PDE4D: variants seen among roughly 807,000 people sequenced by gnomAD.
PDE4D encodes 3',5'-cyclic-AMP phosphodiesterase 4D.
Under a neutral mutation model 87.4 loss-of-function variants are expected in PDE4D, and 24 were observed. The ratio of observed to expected loss-of-function variants is 0.27; its 90% CI spans 0.20 to 0.39. PDE4D has a LOEUF of 0.39. Ranked by LOEUF, PDE4D falls within the 10% of genes least tolerant of loss-of-function variation. PDE4D has a pLI of 1.00. For synonymous variants in PDE4D, 384 were observed against 383.2 expected (o/e 1.00, Z -0.02); for missense variants, 714 against 1,041.0 (o/e 0.69, Z 4.32).
chr5:60,123,473 T>C (rs1778869875), intron 2 of PDE4D, among the ~76,000 whole-genome samples: 1 of 152,150 alleles, frequency 6.6e-6, no homozygotes, highest in African/African-American at 2.4e-5. Flanking sequence ...CAGAAACCCC[T>C]GATAAAACCA....
chr5:60,121,260 T>C (rs1043601655), intron 2 of PDE4D, among the ~76,000 whole-genome samples: 16 of 151,772 alleles, frequency 1.1e-4, no homozygotes, highest in African/African-American at 3.4e-4. Context: ...ACACACCCAC[T>C]TTAGGGGATG....
intron 3 of PDE4D, among the ~76,000 whole-genome samples, chr5:59,902,080 T>C (rs1752333297): frequency 6.6e-6 from 1 of 151,842 alleles, no homozygotes; most frequent in Non-Finnish European, 1.5e-5. Flanking sequence ...AAATGTTACA[T>C]CAGGAAGCCA....
chr5:59,085,857 T>C (rs772530006), intron 5 of PDE4D, among the ~76,000 whole-genome samples: 1 of 152,090 alleles, frequency 6.6e-6, no homozygotes, highest in Non-Finnish European at 1.5e-5. Flanking sequence ...AAAAGCTCCC[T>C]GGAGGAAGTG....
intron 1 of PDE4D, among the ~76,000 whole-genome samples, chr5:60,374,084 C>G (rs1389353591): frequency 1.3e-5 from 2 of 152,190 alleles, no homozygotes; most frequent in African/African-American, 4.8e-5. Context: ...GCCCTCAACA[C>G]TGTCACCAAG....
At chr5:59,361,314 T>G (rs546117064) in intron 1 of PDE4D, among the ~76,000 whole-genome samples, 1 of 152,322 alleles carries the variant, frequency 6.6e-6, no homozygotes, top group East Asian at 1.9e-4. Flanking sequence ...TCAAATTCTT[T>G]AAAAATCTTG....
At chr5:59,129,582 A>G (rs1413994412) in intron 5 of PDE4D, among the ~76,000 whole-genome samples, 1 of 152,324 alleles carries the variant, frequency 6.6e-6, no homozygotes, top group Non-Finnish European at 1.5e-5. Flanking sequence ...AATTCAAGCC[A>G]TTAAGTTAAT....
At chr5:59,432,989 A>G (rs1232767801) in intron 1 of PDE4D, among the ~76,000 whole-genome samples, 4 of 152,252 alleles carry the variant, frequency 2.6e-5, no homozygotes, top group East Asian at 1.9e-4. Flanking sequence ...TAATTTTACA[A>G]TATGGATGTA....
intron 1 of PDE4D, among the ~76,000 whole-genome samples, chr5:59,844,788 G>A (rs1340761779): frequency 6.6e-6 from 1 of 152,070 alleles, no homozygotes; most frequent in East Asian, 1.9e-4. Flanking sequence ...GAAGGTGGAG[G>A]GATTTTGCTG....
intron 1 of PDE4D, among the ~76,000 whole-genome samples, chr5:59,407,177 G>T (rs1196998186): frequency 6.6e-6 from 1 of 152,128 alleles, no homozygotes; most frequent in East Asian, 1.9e-4. Context: ...TTATAGCTTT[G>T]TGAGCAAGTT....
At chr5:59,812,604 C>G (rs139684194) in intron 1 of PDE4D, among the ~76,000 whole-genome samples, 2 of 151,456 alleles carry the variant, frequency 1.3e-5, no homozygotes, top group Admixed American at 1.3e-4. Flanking sequence ...ACCTGGGAGG[C>G]GGACGTTGCA....
chr5:59,347,331 T>C (rs1779774516), intron 1 of PDE4D, among the ~76,000 whole-genome samples: 1 of 152,160 alleles, frequency 6.6e-6, no homozygotes, highest in African/African-American at 2.4e-5. Flanking sequence ...GGCAAGTTAA[T>C]TGCCAAAAAG....
intron 1 of PDE4D, among the ~76,000 whole-genome samples, chr5:60,501,805 G>C (rs1004059611): frequency 6.6e-6 from 1 of 152,200 alleles, no homozygotes; most frequent in African/African-American, 2.4e-5. Context: ...GTCTTCTTTT[G>C]AGAAGTGTCT....
At chr5:60,220,131 G>T (rs1744318750) in intron 1 of PDE4D, among the ~76,000 whole-genome samples, 1 of 152,122 alleles carries the variant, frequency 6.6e-6, no homozygotes, top group Non-Finnish European at 1.5e-5. Flanking sequence ...AAACTCCCAG[G>T]TCTCCAGGCT....
intron 1 of PDE4D, among the ~76,000 whole-genome samples, chr5:60,473,129 AAGGAAGG>A (rs1561294243): frequency 0.017 from 1,062 of 62,446 alleles, 25 homozygotes; most frequent in African/African-American, 0.06. Flanking sequence ...GAAAGAAAGG[AAGGAAGG>A]AAGGAAGGAA....
In PDE4D at chr5:60,311,401, G is replaced by C. The variant is rs188747066; in HGVS notation, c.-89-125714C>G. On this transcript the variant is annotated intron_variant, in intron 1 of 16. Coordinates refer to the PDE4D transcript ENST00000502484. ...AAACCCTACAAGCCAGACGAGGCCAGAGGCCTATATTCAACATTCTTAAAG... is the reference window on the plus strand; with the variant it reads ...AAACCCTACAAGCCAGACGAGGCCACAGGCCTATATTCAACATTCTTAAAG... Among the ~76,000 whole-genome samples, 9 of 152,348 alleles carry C rather than the reference G, an allele frequency of 5.9e-5. No individual in the cohort carries two copies. The East Asian group carries it at 1.7e-3, about 29-fold the overall frequency.
At chr5:59,317,725 T>A (rs569553928) in intron 1 of PDE4D, among the ~76,000 whole-genome samples, 1 of 152,284 alleles carries the variant, frequency 6.6e-6, no homozygotes, top group East Asian at 1.9e-4. Context: ...GGGCAGGAGA[T>A]GCCTTGTTCA....
intron 3 of PDE4D, among the ~76,000 whole-genome samples, chr5:59,960,108 C>G (rs1208646394): frequency 6.6e-6 from 1 of 152,122 alleles, no homozygotes; most frequent in Non-Finnish European, 1.5e-5. Flanking sequence ...CTCAATATCA[C>G]TAATCATCAG....
chr5:60,109,196 C>T (rs1274561905), intron 2 of PDE4D, among the ~76,000 whole-genome samples: 3,112 of 152,084 alleles, frequency 0.02, 85 homozygotes, highest in African/African-American at 0.066. Flanking sequence ...AAAAAGTGGG[C>T]GAAGGCCATG....
chr5:60,465,832 A>G (rs886791218), intron 1 of PDE4D, among the ~76,000 whole-genome samples: 1 of 152,074 alleles, frequency 6.6e-6, no homozygotes, highest in Non-Finnish European at 1.5e-5. Context: ...AACCTACTTT[A>G]TAATAAAGTA....
Sources: allele counts gnomAD v4.1 joint callset (sites outside exome capture counted in the v4.1 genomes callset), GRCh38; gene constraint gnomAD v4.1.1; transcripts MANE v1.5; gene names NCBI Gene and HGNC (gene_info 2026-07-23, HGNC 2026-07-21).